PDCD11: variants seen among roughly 807,000 people sequenced by gnomAD.
The protein encoded by PDCD11 is programmed cell death 11, also known as protein RRP5 homolog.
A neutral mutation model predicts 198.9 loss-of-function variants in PDCD11; 97 were observed. The ratio of observed to expected loss-of-function variants is 0.49; its 90% CI spans 0.41 to 0.58. The LOEUF (loss-of-function observed/expected upper bound fraction) is 0.58, where lower values mean the gene tolerates loss of function less well. PDCD11 is among the 20% of genes least tolerant of loss of function. The pLI, the probability that PDCD11 is intolerant of heterozygous loss-of-function variation, is 0.00. For synonymous variants in PDCD11, 893 were observed against 918.0 expected (o/e 0.97, Z 0.49); for missense variants, 2,102 against 2,312.7 (o/e 0.91, Z 1.87).
In PDCD11 at chr10:103,423,904, G is replaced by A. The variant is rs2031569234; in HGVS notation, c.2763+246G>A. Among the ~76,000 whole-genome samples, 3 of 152,174 alleles carry A rather than the reference G, an allele frequency of 2.0e-5. No individual in the cohort carries two copies. In the South Asian group the frequency reaches 6.2e-4, roughly 32 times the overall value. On this transcript the variant is annotated intron_variant, in intron 19 of 35. Transcript: ENST00000369797. ...GGCCAGACAGATAAATAGTGTGCAG[G>A]AGTGGAGCTGGCTGTGTGGGTAGGG...
At chr10:103,438,545 A>G (rs968869438) in intron 26 of PDCD11, 141 bp from the exon 27 acceptor site, 41 of 1,093,808 alleles carry the variant, frequency 3.7e-5, no homozygotes, top group Middle Eastern at 2.3e-4. Context: ...GAGAGAGTAG[A>G]GTTGGGCTCT....
At chr10:103,439,333 CTG>C (rs1176916950) in intron 27 of PDCD11, among the ~76,000 whole-genome samples, 1 of 152,096 alleles carries the variant, frequency 6.6e-6, no homozygotes, top group Non-Finnish European at 1.5e-5. Context: ...CAGTGATACC[CTG>C]TGTCTAAAAA....
intron 2 of PDCD11, among the ~76,000 whole-genome samples, chr10:103,398,964 A>G (rs115720702): frequency 2.4e-3 from 367 of 152,274 alleles, no homozygotes; most frequent in African/African-American, 7.7e-3. Context: ...CACTGACCCA[A>G]TATTGTGCCA....
chr10:103,405,022 G>C lies in PDCD11; in HGVS notation c.403G>C (p.Asp135His). 1 of 1,613,688 alleles carries C rather than the reference G, an allele frequency of 6.2e-7. No homozygotes were observed. Among genetic ancestry groups the C allele is most frequent in the East Asian group, 2.2e-5 (1 of 44,870 alleles). ...GGTCTTTCTCATTTGTGTTATGCAG[G>C]ACCTACTTCACTTGCCTGAACTTTT... ...EQVTQEQPLK[D>H]LLHLPELFSP... Residue 135 changes from aspartate (D) to histidine (H), a missense_variant and splice_region_variant, in exon 5 of 36, where the codon GAC becomes CAC. Physicochemically the swap from Asp to His is moderately conservative, Grantham distance 81. Transcript: ENST00000369797.
In PDCD11 at chr10:103,427,405, T is replaced by G; in HGVS notation, c.3368+14T>G. 1 of 1,603,790 alleles carries G rather than the reference T, an allele frequency of 6.2e-7. No individual in the cohort carries two copies. Among genetic ancestry groups the G allele is most frequent in the Non-Finnish European group, 8.5e-7 (1 of 1,173,320 alleles). On this transcript the variant is annotated intron_variant, in intron 21 of 35. Transcript: ENST00000369797. ...TGTTCGGCCAAGGTGAGGGGGACAT[T>G]AGCAGCACTGTCTTACGGAAAGAGC... is the stretch of plus-strand genomic sequence containing the variant.
intron 32 of PDCD11, 66 bp downstream of exon 32, chr10:103,442,526 G>A (rs983607337): frequency 5.6e-5 from 88 of 1,559,138 alleles, no homozygotes; most frequent in Non-Finnish European, 7.0e-5. Flanking sequence ...TTCTCAACCT[G>A]TGGGGTAGCT....
At chr10:103,397,072 C>T (rs1046577635) in intron 1 of PDCD11, among the ~76,000 whole-genome samples, 6 of 152,136 alleles carry the variant, frequency 3.9e-5, no homozygotes, top group African/African-American at 1.4e-4. Context: ...TGGCCCCACC[C>T]GGTCATCACT....
intron 19 of PDCD11, among the ~76,000 whole-genome samples, chr10:103,424,310 G>T (rs888409897): frequency 3.3e-5 from 5 of 152,114 alleles, no homozygotes; most frequent in African/African-American, 1.2e-4. Flanking sequence ...GCACTTATTA[G>T]GCACCTAGTT....
chr10:103,416,146 T>A (rs1465867500), intron 12 of PDCD11, among the ~76,000 whole-genome samples: 1 of 152,178 alleles, frequency 6.6e-6, no homozygotes, highest in African/African-American at 2.4e-5. Context: ...CATCATTGGT[T>A]CTGTTAGACT....
intron 3 of PDCD11, among the ~76,000 whole-genome samples, chr10:103,402,605 A>G (rs529747150): frequency 2.8e-3 from 423 of 151,744 alleles, no homozygotes; most frequent in Non-Finnish European, 4.1e-3. Context: ...TGCCCGGCTA[A>G]TTTTTGTATT....
Position 103,398,516 on chromosome 10 carries a change from C to T in PDCD11, c.90C>T (p.Asp30=). ...EKAFQQSVEQ[D]NLFDISTEEG... is the part of the protein sequence containing the mutation. ...CTTTCCAGCAGTCAGTTGAACAAGA[C>T]AACTTATTTGATGTAAGTAGTATGC... Residue 30 remains aspartate, a synonymous_variant, in exon 2 of 36, where the codon GAC becomes GAT. Coordinates refer to ENST00000369797, the MANE Select transcript of PDCD11 (RefSeq NM_014976.2). 6.2e-7 allele frequency: 1 copy of T among 1,608,556 alleles called. No individual in the cohort carries two copies. The highest frequency in any genetic ancestry group is 1.3e-5 in the African/African-American group (1 of 74,922).
chr10:103,399,485 C>G (rs1332369449), intron 2 of PDCD11, among the ~76,000 whole-genome samples: 1 of 152,144 alleles, frequency 6.6e-6, no homozygotes, highest in Non-Finnish European at 1.5e-5. Flanking sequence ...ACTGGAACAA[C>G]AGGCATGTTC....
chr10:103,428,724 A>G (rs1039079491), intron 21 of PDCD11, among the ~76,000 whole-genome samples: 1 of 152,228 alleles, frequency 6.6e-6, no homozygotes, highest in Non-Finnish European at 1.5e-5. Flanking sequence ...TCCTAGGAGT[A>G]CTGAGGAACC....
chr10:103,408,543 T>G (rs904790806), intron 7 of PDCD11, among the ~76,000 whole-genome samples: 1 of 151,964 alleles, frequency 6.6e-6, no homozygotes, highest in African/African-American at 2.4e-5. Flanking sequence ...TTATAATTAT[T>G]TATTTATTTA....
In PDCD11 at chr10:103,409,692, T is replaced by C; in HGVS notation, c.871-7T>C. ...TTTTTTTTATAACTTGTTCTGTTTA[T>C]TTCTAGGTGACTCCATTTGGCCTTA... On this transcript the variant is annotated splice_region_variant and splice_polypyrimidine_tract_variant and intron_variant, in intron 7 of 35. Transcript: ENST00000369797. 1 of 1,608,972 alleles carries C rather than the reference T, an allele frequency of 6.2e-7. No individual in the cohort carries two copies. The highest frequency in any genetic ancestry group is 1.1e-5 in the South Asian group (1 of 90,984).
intron 20 of PDCD11, among the ~76,000 whole-genome samples, chr10:103,427,025 CTTGAGCCCAGGAGA>C (rs1399898596): frequency 6.6e-6 from 1 of 152,024 alleles, no homozygotes; most frequent in African/African-American, 2.4e-5. Context: ...GGGAGGATTG[CTTGAGCCCAGGAGA>C]TTGAGGCTAC....
Position 103,414,081 on chromosome 10 carries a change from C to G in PDCD11, c.1301C>G (p.Ser434Cys). ...YSQMDELALL[S>C]LRTSIIEAQY... ...CAAATGGATGAACTGGCCTTGCTCTCTCTACGAACGTAAGTCTGTCATTAA... is the reference window on the plus strand; with the variant it reads ...CAAATGGATGAACTGGCCTTGCTCTGTCTACGAACGTAAGTCTGTCATTAA... Residue 434 changes from serine to cysteine, a missense_variant, in exon 10 of 36, where the codon TCT becomes TGT. Coordinates refer to ENST00000369797, the MANE Select transcript of PDCD11 (RefSeq NM_014976.2). 6.2e-7 allele frequency: 1 copy of G among 1,611,382 alleles called. No individual in the cohort carries two copies. Among genetic ancestry groups the G allele is most frequent in the Non-Finnish European group, 8.5e-7 (1 of 1,178,876 alleles).
intron 25 of PDCD11, among the ~76,000 whole-genome samples, chr10:103,437,543 A>G (rs894730331): frequency 4.6e-5 from 7 of 152,096 alleles, no homozygotes; most frequent in Admixed American, 1.3e-4. Context: ...GCTGGAGTGC[A>G]GTGGCACGAT....
At chr10:103,409,461 G>A (rs1229824023) in intron 7 of PDCD11, among the ~76,000 whole-genome samples, 2 of 152,130 alleles carry the variant, frequency 1.3e-5, no homozygotes, top group Non-Finnish European at 2.9e-5. Context: ...GAGAGTGGGA[G>A]GATTGATGTC....
Sources: allele counts gnomAD v4.1 joint callset (sites outside exome capture counted in the v4.1 genomes callset), GRCh38; gene constraint gnomAD v4.1.1; transcripts MANE v1.5; gene names NCBI Gene and HGNC (gene_info 2026-07-23, HGNC 2026-07-21).